Variants in EMB observed in about 807,000 individuals in gnomAD.
The protein encoded by EMB is embigin.
Under a neutral mutation model 41.4 loss-of-function variants are expected in EMB, and 31 were observed. That is an observed-to-expected ratio of 0.75 (90% CI 0.56 to 1.01). The LOEUF (loss-of-function observed/expected upper bound fraction) is 1.01, where lower values mean the gene tolerates loss of function less well. Ranked by LOEUF, EMB falls within the 50% of genes least tolerant of loss-of-function variation. EMB has a pLI of 0.00. For missense variants in EMB, 379 were observed against 388.3 expected (o/e 0.98, Z 0.20); for synonymous variants, 137 against 140.4 (o/e 0.98, Z 0.17).
At chr5:50,428,824 A>T in intron 1 of EMB, 1 of 775,640 alleles carries the variant, frequency 1.3e-6, no homozygotes, top group Non-Finnish European at 1.6e-6. Flanking sequence ...TAATTAAAGA[A>T]ACAAGGTTTC....
chr5:50,428,952 G>A (rs1022147264), intron 1 of EMB, among the ~76,000 whole-genome samples: 1 of 151,896 alleles, frequency 6.6e-6, no homozygotes, highest in Admixed American at 6.6e-5. Context: ...CTGGAGTGCA[G>A]GGGCATGGTC....
upstream of EMB, among the ~76,000 whole-genome samples, chr5:50,441,519 ACT>A (rs1161939142): frequency 2.0e-5 from 3 of 151,918 alleles, no homozygotes; most frequent in African/African-American, 7.3e-5. Flanking sequence ...AGAGGTCGAA[ACT>A]CTGCCTACAG....
At chr5:50,404,170 T>C (rs184370999) in intron 5 of EMB, among the ~76,000 whole-genome samples, 40 of 152,100 alleles carry the variant, frequency 2.6e-4, no homozygotes, top group African/African-American at 9.2e-4. Flanking sequence ...CCCAAGCCAT[T>C]TGATGCTTTT....
rs565314720 is a variant in EMB at position 50,440,957 on chromosome 5, C to A, written c.112+83G>T. 5.1e-3 allele frequency: 5,286 copies of A among 1,028,696 alleles called. 25 individuals carry two copies. The highest frequency in any genetic ancestry group is 5.3e-3 in the Non-Finnish European group (4,181 of 786,098). 63.7% of individuals were successfully genotyped at this position (1,028,696 alleles called of 1,614,324 possible). A position where few individuals can be genotyped will look rare whatever the true frequency, so the allele number is the denominator to read the frequency against. On this transcript the variant is annotated intron_variant, in intron 1 of 8. Coordinates refer to ENST00000303221, the MANE Select transcript of EMB (RefSeq NM_198449.3). ...CTCTCCCCGCCACCCTTGCCCGGCGCGCCGGCGATGCCCTCTGCCCGCGGG... is the reference window on the plus strand; with the variant it reads ...CTCTCCCCGCCACCCTTGCCCGGCGAGCCGGCGATGCCCTCTGCCCGCGGG...
chr5:50,415,996 C>T (rs1245982746), intron 2 of EMB, among the ~76,000 whole-genome samples: 1 of 152,168 alleles, frequency 6.6e-6, no homozygotes, highest in African/African-American at 2.4e-5. Flanking sequence ...TAATGGTAGG[C>T]CATCCTCCAA....
intron 4 of EMB, among the ~76,000 whole-genome samples, chr5:50,409,621 T>G (rs527538283): frequency 1.4e-4 from 20 of 147,602 alleles, no homozygotes; most frequent in African/African-American, 5.0e-4. Flanking sequence ...GGAAATGAAC[T>G]CAAAAGGTGG....
intron 2 of EMB, among the ~76,000 whole-genome samples, chr5:50,416,033 T>C (rs994363826): frequency 1.3e-5 from 2 of 152,256 alleles, no homozygotes; most frequent in African/African-American, 4.8e-5. Context: ...CACTGTTTCC[T>C]ATAATACTTT....
intron 2 of EMB, among the ~76,000 whole-genome samples, chr5:50,413,706 G>C (rs1318104211): frequency 1.3e-5 from 2 of 151,606 alleles, no homozygotes. Context: ...CTCCCAAGTA[G>C]CTGGGATTAC....
chr5:50,411,526 T>A, intron 2 of EMB, 143 bp from the exon 3 acceptor site: 2 of 605,300 alleles, frequency 3.3e-6, no homozygotes, highest in Admixed American at 3.5e-5. Flanking sequence ...TCTATCAACA[T>A]AGTTGGTTCC....
chr5:50,402,340 T>C (rs751174022), intron 6 of EMB, 21 bp from the exon 7 acceptor site: 4 of 1,607,352 alleles, frequency 2.5e-6, no homozygotes, highest in South Asian at 2.2e-5. Context: ...AAAGAAGAAT[T>C]TGACTGTGAA....
At chr5:50,409,346 G>A (rs1320846279) in intron 4 of EMB, among the ~76,000 whole-genome samples, 2 of 152,010 alleles carry the variant, frequency 1.3e-5, no homozygotes, top group South Asian at 4.1e-4. Context: ...ATTGAAAGCA[G>A]GTATGACTAG....
rs902356021 is a variant in EMB, at chr5:50,422,046, T to TA, written c.196+6097dup. Among the ~76,000 whole-genome samples the TA allele has an allele frequency of 1.3e-3, 191 of 151,454 alleles. 1 individual carries two copies. Among genetic ancestry groups the TA allele is most frequent in the African/African-American group, 4.0e-3 (166 of 41,262 alleles). On this transcript the variant is annotated intron_variant, in intron 2 of 8. Transcript: ENST00000303221. ...TGTACCCTAAAACTTAAAGTATAAT[T>TA]AAAAAAAAGAAGTGCATGTGAAAGA...
chr5:50,430,841 T>C (rs1269252904), intron 1 of EMB, among the ~76,000 whole-genome samples: 1 of 152,154 alleles, frequency 6.6e-6, no homozygotes, highest in African/African-American at 2.4e-5. Flanking sequence ...TCTCCCTTAC[T>C]GATCACTAGG....
At chr5:50,414,528 CA>C (rs34645448) in intron 2 of EMB, among the ~76,000 whole-genome samples, 1,512 of 46,650 alleles carry the variant, frequency 0.032, 11 homozygotes, top group African/African-American at 0.071. Context: ...CTGTCTCAGG[CA>C]AAAAAAAAAA....
intron 2 of EMB, chr5:50,411,923 A>G (rs1745344936): frequency 6.6e-6 from 1 of 152,178 alleles, no homozygotes; most frequent in Non-Finnish European, 1.5e-5. Flanking sequence ...AGACATAGGT[A>G]CAAGACAGAG....
chr5:50,411,928 A>G (rs1456957146), intron 2 of EMB: 1 of 152,146 alleles, frequency 6.6e-6, no homozygotes, highest in Non-Finnish European at 1.5e-5. Flanking sequence ...TAGGTACAAG[A>G]CAGAGAATTT....
At chr5:50,433,692 T>C (rs1312403530) in intron 1 of EMB, among the ~76,000 whole-genome samples, 3 of 152,252 alleles carry the variant, frequency 2.0e-5, no homozygotes, top group Admixed American at 6.5e-5. Context: ...TAGTAGGTTA[T>C]ATAAGTTTTC....
At chr5:50,402,902 G>T (rs1250784642) in intron 6 of EMB, among the ~76,000 whole-genome samples, 1 of 143,672 alleles carries the variant, frequency 7.0e-6, no homozygotes, top group East Asian at 2.0e-4. Flanking sequence ...AAAAAAAAGA[G>T]GGGGGTGGTG....
chr5:50,424,760 T>G (rs1359671563), intron 2 of EMB, among the ~76,000 whole-genome samples: 1 of 152,112 alleles, frequency 6.6e-6, no homozygotes, highest in Non-Finnish European at 1.5e-5. Flanking sequence ...TCACATCTAG[T>G]GGGTAATGGC....
Sources: gnomAD v4.1 joint callset for allele counts (sites outside exome capture counted in the v4.1 genomes callset) on GRCh38, gnomAD v4.1.1 for gene constraint, MANE v1.5 for transcripts, NCBI Gene and HGNC (gene_info 2026-07-23, HGNC 2026-07-21) for gene names.